The following DLC1 variants were observed in gnomAD, a reference collection of about 807,000 sequenced individuals.
DLC1 encodes rho GTPase-activating protein 7.
DLC1 carries 54 observed loss-of-function variants against 140.3 expected under a neutral mutation model. That is an observed-to-expected ratio of 0.38 (90% CI 0.31 to 0.48). The LOEUF (loss-of-function observed/expected upper bound fraction) is 0.48, where lower values mean the gene tolerates loss of function less well. Ranked by LOEUF, DLC1 falls within the 20% of genes least tolerant of loss-of-function variation. DLC1 has a pLI of 0.96. For missense variants in DLC1, 2,536 were observed against 1,907.0 expected, an observed-to-expected ratio of 1.33 and a Z score of -6.14; for synonymous variants, 986 against 728.1, an observed-to-expected ratio of 1.35 and a Z score of -5.70.
chr8:13,341,627 G>A (rs987447073), intron 4 of DLC1: 1 of 152,170 alleles, frequency 6.6e-6, no homozygotes, highest in Admixed American at 6.5e-5. Context: ...CAGTTAGAAT[G>A]TTGTAAGGAC....
intron 2 of DLC1, among the ~76,000 whole-genome samples, chr8:13,452,127 C>G (rs538173203): frequency 3.1e-4 from 47 of 151,506 alleles, no homozygotes; most frequent in Non-Finnish European, 5.0e-4. Flanking sequence ...TGCAATAAAA[C>G]TAGCAACATT....
At chr8:13,266,155 C>G (rs1830681871) in intron 5 of DLC1, among the ~76,000 whole-genome samples, 1 of 152,158 alleles carries the variant, frequency 6.6e-6, no homozygotes, top group Non-Finnish European at 1.5e-5. Context: ...AGCAGTAACT[C>G]TTGTACATAA....
intron 2 of DLC1, among the ~76,000 whole-genome samples, chr8:13,413,903 A>G (rs143526612): frequency 2.2e-4 from 34 of 152,296 alleles, no homozygotes; most frequent in African/African-American, 6.7e-4. Context: ...GACTAATACA[A>G]CATTCATCCT....
chr8:13,263,616 G>T (rs1239578984), intron 5 of DLC1, among the ~76,000 whole-genome samples: 1 of 150,540 alleles, frequency 6.6e-6, no homozygotes, highest in Non-Finnish European at 1.5e-5. Flanking sequence ...AAATATATAT[G>T]TGCATGTATA....
intron 1 of DLC1, among the ~76,000 whole-genome samples, chr8:13,590,699 A>G (rs897206819): frequency 2.0e-5 from 3 of 152,002 alleles, no homozygotes; most frequent in Non-Finnish European, 4.4e-5. Context: ...TGCAGTTTAT[A>G]TTTGTTTTCT....
rs368328304 is a variant in DLC1 at position 13,347,971 on chromosome 8, C to G, written c.1315-42669G>C. Among the ~76,000 whole-genome samples the G allele has an allele frequency of 2.6e-5, 4 of 152,204 alleles. 1 individual carries two copies. In the East Asian group the frequency reaches 7.7e-4, roughly 29 times the overall value. Reference sequence around the variant, plus strand: ...GGGCATGGTGGCAGGCACCTGTAGTCCCAGCTACTTGGGAGGTGGAGGCAG... The same window carrying G: ...GGGCATGGTGGCAGGCACCTGTAGTGCCAGCTACTTGGGAGGTGGAGGCAG... On this transcript the variant is annotated intron_variant, in intron 4 of 17. Coordinates refer to ENST00000276297, the MANE Select transcript of DLC1 (RefSeq NM_182643.3).
rs769623746 is a variant in DLC1 at position 13,393,687 on chromosome 8, C to G, written c.1180G>C (p.Glu394Gln). 3 of 1,612,450 alleles carry G rather than the reference C, an allele frequency of 1.9e-6. No individual in the cohort carries two copies. Among genetic ancestry groups the G allele is most frequent in the African/African-American group, 2.7e-5 (2 of 74,852 alleles). ...TCTGCTCCACTTTCAGATCCTGATT[C>G]CAGATCCTATTAAAAAACAAATGCA... is the stretch of plus-strand genomic sequence containing the variant. ...TNLRRHVPDLESGSESGADTI... is the reference protein window; with the variant it reads ...TNLRRHVPDLQSGSESGADTI... Residue 394 changes from glutamate (E) to glutamine (Q), a missense_variant, in exon 4 of 18, where the codon GAA becomes CAA. By Grantham distance (29) the Glu-to-Gln change is conservative. Coordinates refer to ENST00000276297, the MANE Select transcript of DLC1 (RefSeq NM_182643.3).
At position 13,499,487 on chromosome 8, in the gene DLC1, A is replaced by T. The variant is rs1801683311; in HGVS notation, c.585T>A (p.Asn195Lys). The T allele has an allele frequency of 1.2e-6, 2 of 1,614,100 alleles. No homozygotes were observed. Among genetic ancestry groups the T allele is most frequent in the East Asian group, 4.5e-5 (2 of 44,878 alleles). Reference sequence around the variant, plus strand: ...CTTTTATTTCACTTAAGCTTATTTCATTGCAAAGCTCCAGGCTTTTACTTA... The same window carrying T: ...CTTTTATTTCACTTAAGCTTATTTCTTTGCAAAGCTCCAGGCTTTTACTTA... The part of the protein sequence containing the change: ...DSISKSLELC[N>K]EISLSEIKDA... The change falls in exon 2 of 18, where the codon AAT (asparagine) becomes AAA (lysine). Residue 195 changes from asparagine (N) to lysine (K), a missense_variant. By Grantham distance (94) the Asn-to-Lys change is moderately conservative. Coordinates refer to ENST00000276297, the MANE Select transcript of DLC1 (RefSeq NM_182643.3).
chr8:13,415,467 A>G lies in DLC1; in HGVS notation c.1024-13848T>C, dbSNP rs370758277. On this transcript the variant is annotated intron_variant, in intron 2 of 17. Coordinates refer to ENST00000276297, the MANE Select transcript of DLC1 (RefSeq NM_182643.3). ...CAGGCTGGAGTGTAGTAGCGCGACC[A>G]TGGCTCACTGCAAGCTCCACCTCCT... Among the ~76,000 whole-genome samples the G allele has an allele frequency of 1.3e-4, 19 of 150,082 alleles. No individual in the cohort carries two copies. The East Asian group carries it at 1.4e-3, about 11-fold the overall frequency.
intron 2 of DLC1, among the ~76,000 whole-genome samples, chr8:13,471,401 GC>G (rs1343747242): frequency 6.6e-6 from 1 of 151,096 alleles, no homozygotes; most frequent in African/African-American, 2.4e-5. Context: ...TATTCATAGA[GC>G]AAAACACTGT....
intron 1 of DLC1, among the ~76,000 whole-genome samples, chr8:13,500,496 T>G (rs1801766036): frequency 6.6e-6 from 1 of 152,234 alleles, no homozygotes. Flanking sequence ...TAAGAAAATA[T>G]GTGAAATGCA....
intron 4 of DLC1, among the ~76,000 whole-genome samples, chr8:13,331,871 G>A (rs1833603396): frequency 6.6e-6 from 1 of 152,104 alleles, no homozygotes; most frequent in South Asian, 2.1e-4. Context: ...TGTTTTAAGT[G>A]GCTTTAATAT....
chr8:13,343,200 C>T (rs1205985654), intron 4 of DLC1, among the ~76,000 whole-genome samples: 1 of 152,284 alleles, frequency 6.6e-6, no homozygotes, highest in East Asian at 1.9e-4. Context: ...TTGTTTGAGT[C>T]AGAGATTGGG....
chr8:13,136,387 A>G (rs935960298), intron 5 of DLC1, among the ~76,000 whole-genome samples: 2 of 151,976 alleles, frequency 1.3e-5, no homozygotes, highest in African/African-American at 4.8e-5. Flanking sequence ...CTTTATGTCC[A>G]TGAGTACTCA....
At chr8:13,133,562 C>T (rs13261173) in intron 5 of DLC1, 44,040 of 145,244 alleles carry the variant, frequency 0.3, 7,242 homozygotes, top group Admixed American at 0.45. Flanking sequence ...CCCCGCCCCG[C>T]GCCTCCTCCG....
intron 2 of DLC1, among the ~76,000 whole-genome samples, chr8:13,497,256 G>A (rs868623993): frequency 3.9e-5 from 6 of 152,040 alleles, no homozygotes; most frequent in South Asian, 2.1e-4. Context: ...CAATTCAATG[G>A]TATTTTAACA....
chr8:13,220,867 A>T (rs1285588820), intron 5 of DLC1, among the ~76,000 whole-genome samples: 1 of 152,166 alleles, frequency 6.6e-6, no homozygotes, highest in Non-Finnish European at 1.5e-5. Flanking sequence ...TAGCCTTGGA[A>T]AGGGTGACTG....
chr8:13,257,582 A>G (rs1830291240), intron 5 of DLC1, among the ~76,000 whole-genome samples: 1 of 152,184 alleles, frequency 6.6e-6, no homozygotes, highest in Non-Finnish European at 1.5e-5. Flanking sequence ...AGCTGATTAA[A>G]ATGCAGATTC....
At chr8:13,273,686 CTGTGTGTG>C (rs59265902) in intron 5 of DLC1, among the ~76,000 whole-genome samples, 1,704 of 62,538 alleles carry the variant, frequency 0.027, 27 homozygotes, top group Middle Eastern at 0.054. Context: ...AGAACTGTGC[CTGTGTGTG>C]TGTGTGTGTG....
Sources: gnomAD v4.1 joint callset for allele counts (sites outside exome capture counted in the v4.1 genomes callset) on GRCh38, gnomAD v4.1.1 for gene constraint, MANE v1.5 for transcripts, NCBI Gene and HGNC (gene_info 2026-07-23, HGNC 2026-07-21) for gene names.